The following DOCK2 variants were observed in gnomAD, a reference collection of about 807,000 sequenced individuals.
DOCK2 encodes dedicator of cytokinesis protein 2.
In DOCK2, 87 loss-of-function variants were observed where a neutral mutation model predicts 248.9. That is an observed-to-expected ratio of 0.35 (90% CI 0.29 to 0.42). The LOEUF (loss-of-function observed/expected upper bound fraction) is 0.42, where lower values mean the gene tolerates loss of function less well. Among genes scored for constraint, DOCK2 ranks in the 10% least tolerant of loss-of-function variants. The pLI is 1.00. For missense variants in DOCK2, 1,747 were observed against 2,300.2 expected (o/e 0.76, Z 4.92); for synonymous variants, 805 against 821.6 (o/e 0.98, Z 0.35).
At chr5:170,062,663 T>C (rs7731058) in intron 44 of DOCK2, among the ~76,000 whole-genome samples, 32,135 of 152,090 alleles carry the variant, frequency 0.21, 3,602 homozygotes, top group Middle Eastern at 0.26. Flanking sequence ...TCTTAACTTA[T>C]CAACTCTGAG....
At position 170,067,606 on chromosome 5, in the gene DOCK2, C is replaced by G. The variant is rs1234597184; in HGVS notation, c.4564C>G (p.Leu1522Val). The G allele has an allele frequency of 6.2e-6, 10 of 1,614,074 alleles. No individual in the cohort carries two copies. Among genetic ancestry groups the G allele is most frequent in the Non-Finnish European group, 8.5e-6 (10 of 1,180,028 alleles). Residue 1522 changes from leucine to valine, a missense_variant, in exon 45 of 52, where the codon CTC (leucine) becomes GTC (valine). Around this residue, in one of 4 missense-constraint regions of DOCK2, gnomAD observed 513 missense variants for 586.1 expected, o/e 0.88. Transcript: ENST00000520908. ...MINQYQSDETLPINPLSMLLN... is the reference protein window; with the variant it reads ...MINQYQSDETVPINPLSMLLN... ...AAACCAGTACCAGAGTGATGAGACC[C>G]TCCCCATCAACCCACTCTCCATGCT... is the stretch of plus-strand genomic sequence containing the variant.
intron 25 of DOCK2, among the ~76,000 whole-genome samples, chr5:169,779,787 C>T (rs1765592834): frequency 6.6e-6 from 1 of 152,036 alleles, no homozygotes; most frequent in Admixed American, 6.6e-5. Context: ...CCCTTGCTCT[C>T]TTCTTAAGCC....
chr5:169,651,589 A>G (rs1197100473), intron 1 of DOCK2, among the ~76,000 whole-genome samples: 1 of 152,168 alleles, frequency 6.6e-6, no homozygotes, highest in Non-Finnish European at 1.5e-5. Flanking sequence ...TGGAAGCCTC[A>G]GTTGCTTCCA....
intron 27 of DOCK2, among the ~76,000 whole-genome samples, chr5:169,910,808 T>G (rs1774553866): frequency 6.6e-6 from 1 of 152,180 alleles, no homozygotes; most frequent in Non-Finnish European, 1.5e-5. Flanking sequence ...CCCTTCTGCT[T>G]CTGGTGAGGT....
chr5:170,019,009 G>A lies in DOCK2; in HGVS notation c.3282G>A (p.Glu1094=). Residue 1094 remains glutamate, a synonymous_variant, in exon 33 of 52, where the codon GAG becomes GAA. Transcript: ENST00000520908. ...FIPGMVGPIL[E]MTLIPEAELR... ...CAGGCATGGTAGGACCTATATTAGA[G>A]ATGACACTTATCCCTGAGGCTGAGC... is the stretch of plus-strand genomic sequence containing the variant. 1.2e-6 allele frequency: 2 copies of A among 1,614,084 alleles called. No homozygotes were observed. Among genetic ancestry groups the A allele is most frequent in the African/African-American group, 1.3e-5 (1 of 75,022 alleles).
intron 27 of DOCK2, among the ~76,000 whole-genome samples, chr5:169,855,565 A>G (rs2113386316): frequency 6.6e-6 from 1 of 152,282 alleles, no homozygotes; most frequent in African/African-American, 2.4e-5. Flanking sequence ...AGGGAATGAC[A>G]TTGCTAGATG....
chr5:170,008,205 A>C (rs1755126806), intron 30 of DOCK2, among the ~76,000 whole-genome samples: 1 of 62,502 alleles, frequency 1.6e-5, no homozygotes, highest in South Asian at 4.4e-4. Flanking sequence ...AAACAACAAC[A>C]ACAACAACAA....
At chr5:169,990,574 T>C (rs1350017606) in intron 29 of DOCK2, among the ~76,000 whole-genome samples, 2 of 152,214 alleles carry the variant, frequency 1.3e-5, no homozygotes, top group African/African-American at 2.4e-5. Flanking sequence ...AATATGCTGA[T>C]TCATTCGAAC....
At chr5:169,875,407 G>T (rs191526111) in intron 27 of DOCK2, 1 of 420,816 alleles carries the variant, frequency 2.4e-6, no homozygotes, top group East Asian at 7.2e-5. Context: ...CCCTCACGAT[G>T]CCCTTGGCTG....
chr5:169,864,513 A>G, intron 27 of DOCK2: 1 of 1,338,634 alleles, frequency 7.5e-7, no homozygotes, highest in Non-Finnish European at 1.0e-6. Context: ...GCACAGACTG[A>G]TTAAGCATCT....
chr5:169,884,743 T>A (rs1772870550), intron 27 of DOCK2: 1 of 152,350 alleles, frequency 6.6e-6, no homozygotes, highest in Non-Finnish European at 1.5e-5. Flanking sequence ...CATGATGATG[T>A]ATGTTTGCTT....
intron 26 of DOCK2, among the ~76,000 whole-genome samples, chr5:169,839,832 C>T (rs1020489218): frequency 7.2e-5 from 11 of 152,172 alleles, no homozygotes; most frequent in Non-Finnish European, 1.6e-4. Context: ...ATTTGTCCCT[C>T]CAGCCTCCAA....
chr5:169,732,817 C>G (rs1237204659), intron 22 of DOCK2, among the ~76,000 whole-genome samples: 3 of 152,182 alleles, frequency 2.0e-5, no homozygotes, highest in African/African-American at 7.2e-5. Context: ...ACAGTCTATT[C>G]TCTATAAAGG....
chr5:170,064,808 TCAAA>T (rs938638849), intron 44 of DOCK2, among the ~76,000 whole-genome samples: 10 of 152,118 alleles, frequency 6.6e-5, no homozygotes, highest in African/African-American at 2.4e-4. Flanking sequence ...AAAGTATTTC[TCAAA>T]CAAACAAAAG....
intron 44 of DOCK2, among the ~76,000 whole-genome samples, chr5:170,065,128 G>A (rs10041444): frequency 0.26 from 39,097 of 152,036 alleles, 5,574 homozygotes; most frequent in African/African-American, 0.37. Flanking sequence ...CATGGGAGGA[G>A]AGGGAGTAAA....
chr5:169,888,552 A>G (rs1773106377), intron 27 of DOCK2, among the ~76,000 whole-genome samples: 1 of 152,212 alleles, frequency 6.6e-6, no homozygotes, highest in Non-Finnish European at 1.5e-5. Flanking sequence ...ATATCTCTGT[A>G]GGTTGCAAAC....
intron 27 of DOCK2, among the ~76,000 whole-genome samples, chr5:169,892,568 G>C (rs558791362): frequency 6.6e-6 from 1 of 152,142 alleles, no homozygotes; most frequent in African/African-American, 2.4e-5. Context: ...GATCCCAGAG[G>C]CCTCTCCGAT....
intron 36 of DOCK2, among the ~76,000 whole-genome samples, chr5:170,039,187 T>TTGAA (rs1237336618): frequency 6.6e-6 from 1 of 152,166 alleles, no homozygotes; most frequent in Non-Finnish European, 1.5e-5. Flanking sequence ...CACCCATTTT[T>TTGAA]TGAATGAATG....
intron 41 of DOCK2, among the ~76,000 whole-genome samples, chr5:170,053,298 G>T (rs1054189043): frequency 2.0e-5 from 3 of 152,208 alleles, no homozygotes; most frequent in African/African-American, 4.8e-5. Context: ...TTCTGGAAGG[G>T]ATCAGATGGG....
Sources: gnomAD v4.1 joint callset for allele counts (sites outside exome capture counted in the v4.1 genomes callset) on GRCh38, gnomAD v4.1.1 for gene constraint, gnomAD v4.1.1 regional missense constraint, MANE v1.5 for transcripts, NCBI Gene and HGNC (gene_info 2026-07-23, HGNC 2026-07-21) for gene names.